The following ARHGAP10 variants were observed in gnomAD, a reference collection of about 807,000 sequenced individuals.
The protein encoded by ARHGAP10 is rho GTPase-activating protein 10.
Under a neutral mutation model 108.6 loss-of-function variants are expected in ARHGAP10, and 87 were observed. The observed-to-expected ratio is 0.80, with a 90% CI of 0.67 to 0.96. The LOEUF is 0.96. Ranked by LOEUF, ARHGAP10 falls within the 40% of genes least tolerant of loss-of-function variation. The probability of loss-of-function intolerance (pLI) is 0.00; values close to 1 mark genes in which losing one functional copy is unlikely to be tolerated. For missense variants in ARHGAP10, 939 were observed against 954.5 expected, an observed-to-expected ratio of 0.98 and a Z score of 0.21; for synonymous variants, 347 against 341.1, an observed-to-expected ratio of 1.02 and a Z score of -0.19.
At chr4:148,025,189 C>A (rs1490450337) in intron 19 of ARHGAP10, among the ~76,000 whole-genome samples, 6 of 152,110 alleles carry the variant, frequency 3.9e-5, no homozygotes, top group African/African-American at 1.4e-4. Context: ...GCCTTCCTAA[C>A]TTGTAGGTGA....
chr4:147,977,691 G>A lies in ARHGAP10; in HGVS notation c.1716+10852G>A, dbSNP rs190357015. ...TTTTATTTTAGATTTGGGGGTACAT[G>A]TACAGGTTTGTTACAGGGATATATT... is the stretch of plus-strand genomic sequence containing the variant. On this transcript the variant is annotated intron_variant, in intron 18 of 22. Coordinates refer to ENST00000336498, the MANE Select transcript of ARHGAP10 (RefSeq NM_024605.4). Among the ~76,000 whole-genome samples the A allele has an allele frequency of 4.6e-5, 7 of 152,138 alleles. No homozygotes were observed. In the East Asian group the frequency reaches 1.2e-3, roughly 25 times the overall value.
chr4:147,988,790 G>C (rs1189681208), intron 18 of ARHGAP10, among the ~76,000 whole-genome samples: 1 of 152,186 alleles, frequency 6.6e-6, no homozygotes, highest in Non-Finnish European at 1.5e-5. Context: ...AGGAGGTAAA[G>C]ATGCCCCTCA....
chr4:147,970,845 C>T (rs1352269445), intron 18 of ARHGAP10, among the ~76,000 whole-genome samples: 6 of 152,036 alleles, frequency 3.9e-5, no homozygotes, highest in East Asian at 1.9e-4. Flanking sequence ...CTCAGCACTT[C>T]GGGAGGCCAA....
chr4:147,902,217 T>C (rs1435279417), intron 10 of ARHGAP10, among the ~76,000 whole-genome samples: 3 of 152,198 alleles, frequency 2.0e-5, no homozygotes, highest in African/African-American at 4.8e-5. Flanking sequence ...ATCATCCTTT[T>C]AGTCTTCTAA....
chr4:148,020,413 G>A (rs758554410), intron 18 of ARHGAP10, among the ~76,000 whole-genome samples: 5 of 152,074 alleles, frequency 3.3e-5, no homozygotes, highest in Non-Finnish European at 5.9e-5. Context: ...ATTAAGCCCA[G>A]CATGCATTAG....
At chr4:147,770,207 A>G (rs1426489508) in intron 1 of ARHGAP10, among the ~76,000 whole-genome samples, 1 of 152,200 alleles carries the variant, frequency 6.6e-6, no homozygotes, top group East Asian at 1.9e-4. Context: ...ACTTGCTGAT[A>G]CAGTAGTATT....
chr4:147,831,057 A>G (rs916538743), intron 3 of ARHGAP10, among the ~76,000 whole-genome samples: 2 of 152,196 alleles, frequency 1.3e-5, no homozygotes. Context: ...CCAGAACTCT[A>G]CTGAGTCAGA....
intron 3 of ARHGAP10, among the ~76,000 whole-genome samples, chr4:147,836,240 T>G (rs112022889): frequency 6.6e-6 from 1 of 152,164 alleles, no homozygotes; most frequent in South Asian, 2.1e-4. Context: ...CCTTTTTTTT[T>G]ATTTTTATTT....
At chr4:147,815,136 G>T (rs1732185956) in intron 1 of ARHGAP10, among the ~76,000 whole-genome samples, 1 of 152,172 alleles carries the variant, frequency 6.6e-6, no homozygotes, top group African/African-American at 2.4e-5. Context: ...CCTGGATCAG[G>T]ACAGGAGCCT....
chr4:147,876,245 A>G (rs958727988), intron 8 of ARHGAP10, among the ~76,000 whole-genome samples: 3 of 152,150 alleles, frequency 2.0e-5, no homozygotes, highest in Non-Finnish European at 4.4e-5. Flanking sequence ...TTTTTCTCAT[A>G]CATTATCTTC....
chr4:147,921,671 G>C (rs891039021), intron 13 of ARHGAP10, among the ~76,000 whole-genome samples: 2 of 152,154 alleles, frequency 1.3e-5, no homozygotes, highest in Non-Finnish European at 2.9e-5. Flanking sequence ...GCCAAAAGCA[G>C]TTACAATTTC....
intron 1 of ARHGAP10, among the ~76,000 whole-genome samples, chr4:147,783,744 A>C (rs1361458014): frequency 6.8e-6 from 1 of 146,812 alleles, no homozygotes; most frequent in Admixed American, 6.8e-5. Flanking sequence ...TGTATTGTAT[A>C]ATTTATAGAA....
At chr4:148,067,842 C>T (rs1367298170) in intron 22 of ARHGAP10, among the ~76,000 whole-genome samples, 1 of 152,164 alleles carries the variant, frequency 6.6e-6, no homozygotes, top group Non-Finnish European at 1.5e-5. Context: ...AATTGTGTAG[C>T]TCCATGACTG....
At chr4:147,747,796 A>G (rs1486467186) in intron 1 of ARHGAP10, among the ~76,000 whole-genome samples, 2 of 151,702 alleles carry the variant, frequency 1.3e-5, no homozygotes, top group African/African-American at 4.8e-5. Context: ...AAGCAAAAGA[A>G]AAAAAAAAGA....
chr4:147,767,591 C>G (rs1729890073), intron 1 of ARHGAP10, among the ~76,000 whole-genome samples: 1 of 152,028 alleles, frequency 6.6e-6, no homozygotes, highest in African/African-American at 2.4e-5. Flanking sequence ...TAAGTGTGCA[C>G]CTGTAGTCCC....
chr4:147,802,060 C>A (rs1731605907), intron 1 of ARHGAP10, among the ~76,000 whole-genome samples: 1 of 152,176 alleles, frequency 6.6e-6, no homozygotes, highest in African/African-American at 2.4e-5. Context: ...AGTAATGATG[C>A]TTGAGTAATG....
intron 18 of ARHGAP10, among the ~76,000 whole-genome samples, chr4:148,005,471 T>G (rs1337684948): frequency 6.6e-6 from 1 of 152,212 alleles, no homozygotes; most frequent in Non-Finnish European, 1.5e-5. Flanking sequence ...TTTACAATAT[T>G]CTGTATGTAT....
chr4:147,951,471 A>G (rs1055018909), intron 15 of ARHGAP10, among the ~76,000 whole-genome samples: 5 of 151,370 alleles, frequency 3.3e-5, no homozygotes, highest in African/African-American at 1.2e-4. Flanking sequence ...GAGGGGAAAT[A>G]AGAGCAGGAC....
chr4:148,048,670 A>AAAAG (rs1728993651), intron 20 of ARHGAP10, among the ~76,000 whole-genome samples: 1 of 152,220 alleles, frequency 6.6e-6, no homozygotes, highest in Non-Finnish European at 1.5e-5. Flanking sequence ...TATGCCTTTC[A>AAAAG]GTAAGTGAAT....
Sources: gnomAD v4.1 joint callset for allele counts (sites outside exome capture counted in the v4.1 genomes callset) on GRCh38, gnomAD v4.1.1 for gene constraint, MANE v1.5 for transcripts, NCBI Gene and HGNC (gene_info 2026-07-23, HGNC 2026-07-21) for gene names.